GALNT11: variants seen among roughly 807,000 people sequenced by gnomAD.
The protein encoded by GALNT11 is UDP-GalNAc:polypeptide N-acetylgalactosaminyltransferase 11.
GALNT11 carries 47 observed loss-of-function variants against 72.7 expected under a neutral mutation model. That is an observed-to-expected ratio of 0.65 (90% CI 0.51 to 0.82). The LOEUF is 0.82. Among genes scored for constraint, GALNT11 ranks in the 40% least tolerant of loss-of-function variants. The probability of loss-of-function intolerance (pLI) is 0.00; values close to 1 mark genes in which losing one functional copy is unlikely to be tolerated. For synonymous variants in GALNT11, 270 were observed against 286.6 expected (o/e 0.94, Z 0.58); for missense variants, 677 against 778.4 (o/e 0.87, Z 1.55).
At chr7:152,055,520 C>CGT (rs3031460) in intron 1 of GALNT11, among the ~76,000 whole-genome samples, 2,410 of 136,472 alleles carry the variant, frequency 0.018, 26 homozygotes, top group East Asian at 0.048. Flanking sequence ...ATATATAAAG[C>CGT]GTGTGTGTGT....
chr7:152,049,901 C>T (rs1393185258), intron 1 of GALNT11, among the ~76,000 whole-genome samples: 2 of 152,148 alleles, frequency 1.3e-5, no homozygotes, highest in Non-Finnish European at 2.9e-5. Context: ...GTCCTAGGTT[C>T]ATGGCAAGTA....
chr7:152,103,133 A>C lies in GALNT11; in HGVS notation c.441A>C (p.Pro147=), dbSNP rs2087139859. ...ACAGATGTAAAGAAAAGTTCTACCC[A>C]CCTGACCTGCCAGCTGCTAGTGTTG... is the stretch of plus-strand genomic sequence containing the variant. ...RNAACKEKFY[P]PDLPAASVVI... The change falls in exon 4 of 12, where the codon CCA becomes CCC. Residue 147 remains proline (P), a synonymous_variant. Transcript: ENST00000430044. 1.2e-6 allele frequency: 2 copies of C among 1,609,328 alleles called. No individual in the cohort carries two copies. Among genetic ancestry groups the C allele is most frequent in the African/African-American group, 2.7e-5 (2 of 74,812 alleles).
chr7:152,101,778 C>T (rs901276820), intron 3 of GALNT11, among the ~76,000 whole-genome samples: 7 of 151,978 alleles, frequency 4.6e-5, no homozygotes, highest in African/African-American at 1.5e-4. Context: ...GGACTACAGG[C>T]GTGCACCACC....
At chr7:152,046,467 G>A (rs1215831755) in intron 1 of GALNT11, among the ~76,000 whole-genome samples, 1 of 152,030 alleles carries the variant, frequency 6.6e-6, no homozygotes, top group Non-Finnish European at 1.5e-5. Context: ...TTTGCTTTAT[G>A]TATCTGGGTG....
chr7:152,100,544 G>A (rs1035878029), intron 2 of GALNT11, among the ~76,000 whole-genome samples: 7 of 150,254 alleles, frequency 4.7e-5, no homozygotes, highest in Admixed American at 4.0e-4. Flanking sequence ...CCAGCCTGAC[G>A]ACAGAGGGAA....
intron 1 of GALNT11, among the ~76,000 whole-genome samples, chr7:152,082,861 A>G (rs1439279480): frequency 1.3e-5 from 2 of 152,186 alleles, no homozygotes; most frequent in South Asian, 2.1e-4. Flanking sequence ...ATGATATTTC[A>G]ATGTAATTTA....
chr7:152,050,906 T>A (rs2083363714), intron 1 of GALNT11, among the ~76,000 whole-genome samples: 1 of 152,214 alleles, frequency 6.6e-6, no homozygotes, highest in Admixed American at 6.5e-5. Flanking sequence ...AGGGCAGCAC[T>A]GAGTTCCGAT....
intron 1 of GALNT11, among the ~76,000 whole-genome samples, chr7:152,071,007 A>G (rs1204869018): frequency 2.0e-5 from 3 of 152,068 alleles, no homozygotes; most frequent in East Asian, 3.9e-4. Context: ...TAGGTCACAG[A>G]CATCAAGTAC....
At chr7:152,029,984 A>G (rs1433870519) in intron 1 of GALNT11, among the ~76,000 whole-genome samples, 1 of 152,260 alleles carries the variant, frequency 6.6e-6, no homozygotes, top group Non-Finnish European at 1.5e-5. Context: ...ACAGAGTTAC[A>G]GAGAAGGCCT....
Position 152,078,095 on chromosome 7 carries a change from G to A in GALNT11, c.-38-16095G>A, listed in dbSNP as rs377649499. On this transcript the variant is annotated intron_variant, in intron 1 of 11. Coordinates refer to ENST00000430044, the MANE Select transcript of GALNT11 (RefSeq NM_022087.4). The stretch of plus-strand genomic sequence containing the variant: ...GAAACCTCTCTGAATGAAGCGTGAG[G>A]GGGGAAGGCTGGACAACACTGAAGA... Among the ~76,000 whole-genome samples the A allele has an allele frequency of 2.4e-3, 367 of 152,028 alleles. 1 individual carries two copies. Among genetic ancestry groups the A allele is most frequent in the African/African-American group, 8.5e-3 (351 of 41,482 alleles).
chr7:152,086,166 G>A (rs2085637530), intron 1 of GALNT11, among the ~76,000 whole-genome samples: 1 of 152,072 alleles, frequency 6.6e-6, no homozygotes. Context: ...GATTACAGGT[G>A]TGAGCCACCA....
In GALNT11 at chr7:152,077,687, G is replaced by A. The variant is rs904757392; in HGVS notation, c.-38-16503G>A. Among the ~76,000 whole-genome samples the A allele has an allele frequency of 4.6e-4, 70 of 152,188 alleles. 1 individual carries two copies. The highest frequency in any genetic ancestry group is 4.0e-3 in the Admixed American group (61 of 15,272). On this transcript the variant is annotated intron_variant, in intron 1 of 11. Transcript: ENST00000430044. ...GAGACAGATGAAAATCCTCTCCAGA[G>A]GAAGATAACATCTCACGCCTCAAAT...
intron 7 of GALNT11, among the ~76,000 whole-genome samples, chr7:152,112,113 C>G (rs972582622): frequency 1.3e-5 from 2 of 152,162 alleles, no homozygotes; most frequent in African/African-American, 4.8e-5. Flanking sequence ...CTTCTCCTTC[C>G]AAGCAAATAT....
chr7:152,058,275 T>G (rs967584324), intron 1 of GALNT11, among the ~76,000 whole-genome samples: 5 of 152,192 alleles, frequency 3.3e-5, no homozygotes, highest in African/African-American at 1.2e-4. Context: ...GAGTCTTGCC[T>G]TAACATTGAT....
At chr7:152,115,352 GCACT>G (rs1430804049) in intron 8 of GALNT11, among the ~76,000 whole-genome samples, 1 of 152,142 alleles carries the variant, frequency 6.6e-6, no homozygotes, top group Non-Finnish European at 1.5e-5. Context: ...TTCTTCACCA[GCACT>G]CACTCAGAAG....
chr7:152,044,453 A>G (rs1258527855), intron 1 of GALNT11, among the ~76,000 whole-genome samples: 1 of 152,190 alleles, frequency 6.6e-6, no homozygotes, highest in African/African-American at 2.4e-5. Context: ...CATCATGAGC[A>G]TGTCACAGTG....
At chr7:152,044,537 A>G (rs912931389) in intron 1 of GALNT11, among the ~76,000 whole-genome samples, 1 of 152,080 alleles carries the variant, frequency 6.6e-6, no homozygotes, top group Non-Finnish European at 1.5e-5. Flanking sequence ...CCTAGTATTT[A>G]ATTTTATTTG....
At chr7:152,119,660 G>A (rs2089240500) in intron 10 of GALNT11, 1 of 152,168 alleles carries the variant, frequency 6.6e-6, no homozygotes, top group Non-Finnish European at 1.5e-5. Context: ...GGATCACAAG[G>A]TCAGGAGTTC....
chr7:152,096,850 C>G (rs2086419869), intron 2 of GALNT11, among the ~76,000 whole-genome samples: 1 of 151,970 alleles, frequency 6.6e-6, no homozygotes, highest in South Asian at 2.1e-4. Context: ...CATTTTGAGA[C>G]AGGGCCTTGC....
Sources: allele counts gnomAD v4.1 joint callset (sites outside exome capture counted in the v4.1 genomes callset), GRCh38; gene constraint gnomAD v4.1.1; transcripts MANE v1.5; gene names NCBI Gene and HGNC (gene_info 2026-07-23, HGNC 2026-07-21).